GRM7: variants seen among roughly 807,000 people sequenced by gnomAD.
GRM7 encodes glutamate metabotropic receptor 7.
Under a neutral mutation model 84.5 loss-of-function variants are expected in GRM7, and 35 were observed. The observed-to-expected ratio is 0.41, with a 90% CI of 0.32 to 0.55. The LOEUF (loss-of-function observed/expected upper bound fraction) is 0.55, where lower values mean the gene tolerates loss of function less well. Ranked by LOEUF, GRM7 falls within the 20% of genes least tolerant of loss-of-function variation. GRM7 has a pLI of 0.19. For synonymous variants in GRM7, 487 were observed against 455.1 expected, an observed-to-expected ratio of 1.07 and a Z score of -0.89; for missense variants, 1,003 against 1,194.6, an observed-to-expected ratio of 0.84 and a Z score of 2.36.
intron 1 of GRM7, among the ~76,000 whole-genome samples, chr3:6,983,437 A>T (rs941467524): frequency 6.6e-5 from 10 of 152,198 alleles, no homozygotes; most frequent in African/African-American, 2.4e-4. Flanking sequence ...ATGAATGGGG[A>T]AAAGGGTCAC....
intron 7 of GRM7, among the ~76,000 whole-genome samples, chr3:7,485,382 C>T (rs574356118): frequency 1.9e-4 from 29 of 152,242 alleles, no homozygotes; most frequent in African/African-American, 6.5e-4. Flanking sequence ...CTGAAAGTAC[C>T]TGGCCATATC....
chr3:7,238,230 C>T (rs765475922), intron 2 of GRM7, among the ~76,000 whole-genome samples: 35 of 152,292 alleles, frequency 2.3e-4, no homozygotes, highest in African/African-American at 7.5e-4. Flanking sequence ...ACTCTTCCTC[C>T]CCTGTCCAAC....
chr3:7,455,403 A>G (rs1429502041), intron 6 of GRM7, among the ~76,000 whole-genome samples: 1 of 152,154 alleles, frequency 6.6e-6, no homozygotes, highest in Non-Finnish European at 1.5e-5. Context: ...CAAAAACAAA[A>G]TAGTAGCTCT....
At chr3:7,556,566 T>C (rs528311501) in intron 7 of GRM7, among the ~76,000 whole-genome samples, 28 of 152,264 alleles carry the variant, frequency 1.8e-4, no homozygotes, top group Admixed American at 1.6e-3. Context: ...TACTTATTAG[T>C]TGTCTGTTTG....
chr3:7,143,877 CCT>C (rs1041350710), intron 1 of GRM7, among the ~76,000 whole-genome samples: 4 of 152,186 alleles, frequency 2.6e-5, no homozygotes, highest in African/African-American at 9.6e-5. Flanking sequence ...TGAGGGAAAG[CCT>C]CTCTCTCTTT....
intron 9 of GRM7, among the ~76,000 whole-genome samples, chr3:7,683,318 A>G: frequency 6.6e-6 from 1 of 152,188 alleles, no homozygotes; most frequent in East Asian, 1.9e-4. Flanking sequence ...TTTCCTTGCA[A>G]AAGTTTCACT....
At chr3:7,465,395 G>T (rs1320331831) in intron 7 of GRM7, among the ~76,000 whole-genome samples, 1 of 152,052 alleles carries the variant, frequency 6.6e-6, no homozygotes, top group Non-Finnish European at 1.5e-5. Flanking sequence ...TTTATTGTGA[G>T]ATTTAATTTG....
In GRM7 at chr3:7,162,816, G is replaced by A. The variant is rs541139192; in HGVS notation, c.736+16148G>A. On this transcript the variant is annotated intron_variant, in intron 2 of 9. Coordinates refer to ENST00000357716, the MANE Select transcript of GRM7 (RefSeq NM_000844.4). ...ATTCTGTTGCCCAGGCTGGAGTGCA[G>A]TGGTGTGATCTCAGTTCGCTGCAAC... Among the ~76,000 whole-genome samples, 4 of 125,620 alleles carry A rather than the reference G, an allele frequency of 3.2e-5. No homozygotes were observed. In the South Asian group the frequency reaches 1.1e-3, roughly 34 times the overall value. 82.4% of individuals were successfully genotyped at this position (125,620 alleles called of 152,430 possible).
chr3:7,529,013 A>C (rs1700922433), intron 7 of GRM7, among the ~76,000 whole-genome samples: 1 of 152,086 alleles, frequency 6.6e-6, no homozygotes, highest in Admixed American at 6.6e-5. Flanking sequence ...TATGTTGTGT[A>C]GATATCTATT....
intron 1 of GRM7, among the ~76,000 whole-genome samples, chr3:7,071,672 A>G (rs1028146668): frequency 2.1e-4 from 32 of 152,194 alleles, no homozygotes; most frequent in African/African-American, 7.5e-4. Context: ...AGGCTAAATT[A>G]TTTTCACTAA....
chr3:7,266,592 C>T (rs903980970), intron 2 of GRM7, among the ~76,000 whole-genome samples: 3 of 152,108 alleles, frequency 2.0e-5, no homozygotes, highest in Non-Finnish European at 4.4e-5. Context: ...ATAGGGAAAA[C>T]AAAATGCCTT....
chr3:7,209,857 T>C (rs999782640), intron 2 of GRM7, among the ~76,000 whole-genome samples: 4 of 152,108 alleles, frequency 2.6e-5, no homozygotes, highest in African/African-American at 7.2e-5. Flanking sequence ...TTTGTTTTTT[T>C]ACATGAGGAT....
At position 7,077,559 on chromosome 3, in the gene GRM7, C is replaced by G. The variant is rs1168334932; in HGVS notation, c.520-68893C>G. ...GATACAGGGAGGGGAATATCACACA[C>G]TGGGGCCTGTCGGGGGGTGGGGGGC... On this transcript the variant is annotated intron_variant, in intron 1 of 9. Transcript: ENST00000357716. Among the ~76,000 whole-genome samples the G allele has an allele frequency of 6.9e-5, 5 of 72,520 alleles. No individual in the cohort carries two copies. In the Admixed American group the frequency reaches 1.1e-3, roughly 16 times the overall value. The allele number at this position is 72,520 out of a possible 152,430, so 47.6% of individuals were successfully genotyped here.
At chr3:6,947,156 T>A (rs201562527) in intron 1 of GRM7, among the ~76,000 whole-genome samples, 7 of 151,566 alleles carry the variant, frequency 4.6e-5, no homozygotes, top group African/African-American at 4.8e-5. Flanking sequence ...TGCTTCCAGT[T>A]TTTGTCCATT....
intron 7 of GRM7, among the ~76,000 whole-genome samples, chr3:7,515,211 CAAA>C (rs35576148): frequency 1.2e-3 from 156 of 128,768 alleles, no homozygotes; most frequent in African/African-American, 3.4e-3. Flanking sequence ...TGTAGAAGGA[CAAA>C]AAAAAAAAAA....
intron 8 of GRM7, among the ~76,000 whole-genome samples, chr3:7,672,801 G>A (rs1478783439): frequency 6.6e-6 from 1 of 151,852 alleles, no homozygotes; most frequent in Non-Finnish European, 1.5e-5. Context: ...TAGAGATGGG[G>A]TTTCACCGTG....
In GRM7 at chr3:6,955,066, G is replaced by A. The variant is rs533753411; in HGVS notation, c.519+93159G>A. Reference sequence around the variant, plus strand: ...CTCAAACCCATAAAATCTTAATTGCGTGTAAAAATTCTTTACTTCATTTAT... The same window carrying A: ...CTCAAACCCATAAAATCTTAATTGCATGTAAAAATTCTTTACTTCATTTAT... On this transcript the variant is annotated intron_variant, in intron 1 of 9. Transcript: ENST00000357716. 7.2e-5 allele frequency among the ~76,000 whole-genome samples: 11 copies of A among 152,256 alleles called. No individual in the cohort carries two copies. The South Asian group carries it at 1.7e-3, about 23-fold the overall frequency.
chr3:7,060,605 A>G (rs1315250989), intron 1 of GRM7, among the ~76,000 whole-genome samples: 1 of 151,772 alleles, frequency 6.6e-6, no homozygotes, highest in African/African-American at 2.4e-5. Context: ...AGAATGATAA[A>G]TTAACTATTG....
At chr3:6,963,845 G>A (rs1484121234) in intron 1 of GRM7, among the ~76,000 whole-genome samples, 2 of 152,102 alleles carry the variant, frequency 1.3e-5, no homozygotes, top group South Asian at 2.1e-4. Context: ...AGAAATATAT[G>A]CTTATTTTTT....
Sources: allele counts gnomAD v4.1 joint callset (sites outside exome capture counted in the v4.1 genomes callset), GRCh38; gene constraint gnomAD v4.1.1; transcripts MANE v1.5; gene names NCBI Gene and HGNC (gene_info 2026-07-23, HGNC 2026-07-21).